The following AKR1C8 variants were observed in gnomAD, a reference collection of about 807,000 sequenced individuals.
AKR1C8 encodes the protein aldo-keto reductase family 1 member C-like protein 1.
chr10:5,146,030 A>C, the AKR1C8 span, among the ~76,000 whole-genome samples: 1 of 151,860 alleles, frequency 6.6e-6, no homozygotes, highest in Non-Finnish European at 1.5e-5. Context: ...AAAAAATGAT[A>C]AGTTCATGTC....
chr10:5,175,628 C>G, the AKR1C8 span, among the ~76,000 whole-genome samples: 1 of 152,198 alleles, frequency 6.6e-6, no homozygotes, highest in Non-Finnish European at 1.5e-5. Context: ...CACATCCTCT[C>G]CAGCACCTGT....
the AKR1C8 span, among the ~76,000 whole-genome samples, chr10:5,130,539 C>T: frequency 6.6e-6 from 1 of 151,920 alleles, no homozygotes; most frequent in Non-Finnish European, 1.5e-5. Flanking sequence ...AAAGACTCAT[C>T]CAAAAGTCTC....
the AKR1C8 span, among the ~76,000 whole-genome samples, chr10:5,118,248 CAG>C: frequency 6.6e-6 from 1 of 152,102 alleles, no homozygotes. Context: ...GGGGTAGGGA[CAG>C]GGGAAACAGG....
chr10:5,120,796 TA>T, the AKR1C8 span, among the ~76,000 whole-genome samples: 95 of 152,290 alleles, frequency 6.2e-4, no homozygotes, highest in Non-Finnish European at 8.2e-4. Context: ...TTCTCATAAT[TA>T]AAATTTTTTC....
At chr10:5,141,224 G>T in the AKR1C8 span, among the ~76,000 whole-genome samples, 1 of 152,080 alleles carries the variant, frequency 6.6e-6, no homozygotes, top group African/African-American at 2.4e-5. Context: ...TCATATGAAG[G>T]AACTCTTAAT....
chr10:5,167,912 G>A, the AKR1C8 span, among the ~76,000 whole-genome samples: 1 of 151,908 alleles, frequency 6.6e-6, no homozygotes, highest in Non-Finnish European at 1.5e-5. Flanking sequence ...TTCCAAAATT[G>A]TATACAACTC....
the AKR1C8 span, among the ~76,000 whole-genome samples, chr10:5,153,881 C>T: frequency 1.3e-5 from 2 of 152,132 alleles, no homozygotes; most frequent in South Asian, 4.1e-4. Context: ...AAGGAAAATG[C>T]ATCAAATGAT....
the AKR1C8 span, among the ~76,000 whole-genome samples, chr10:5,153,004 G>A: frequency 6.6e-6 from 1 of 152,048 alleles, no homozygotes; most frequent in Admixed American, 6.6e-5. Context: ...GGCAATCAGT[G>A]GCCTTATCAA....
the AKR1C8 span, among the ~76,000 whole-genome samples, chr10:5,122,703 A>T: frequency 6.6e-6 from 1 of 152,300 alleles, no homozygotes; most frequent in Non-Finnish European, 1.5e-5. Flanking sequence ...TTTTATAACG[A>T]CAAGCAAACA....
chr10:5,116,885 G>A, the AKR1C8 span, among the ~76,000 whole-genome samples: 3 of 152,148 alleles, frequency 2.0e-5, no homozygotes, highest in South Asian at 6.2e-4. Context: ...GTTAAATCCT[G>A]GAAAGCGTAG....
the AKR1C8 span, among the ~76,000 whole-genome samples, chr10:5,178,527 G>T: frequency 6.6e-6 from 1 of 151,442 alleles, no homozygotes; most frequent in Non-Finnish European, 1.5e-5. Context: ...TCAATTCCTG[G>T]GTATCCTTTT....
At chr10:5,136,961 G>A in the AKR1C8 span, among the ~76,000 whole-genome samples, 178 of 152,038 alleles carry the variant, frequency 1.2e-3, 1 homozygote, top group African/African-American at 4.2e-3. Context: ...CCAACATAAA[G>A]CAAATACCAC....
the AKR1C8 span, among the ~76,000 whole-genome samples, chr10:5,183,395 C>T: frequency 9.2e-3 from 1,401 of 152,208 alleles, 23 homozygotes; most frequent in African/African-American, 0.032. Context: ...ATTATCAGGA[C>T]GTATCAACAA....
At chr10:5,176,537 G>C in the AKR1C8 span, among the ~76,000 whole-genome samples, 1 of 150,534 alleles carries the variant, frequency 6.6e-6, no homozygotes, top group East Asian at 1.9e-4. Flanking sequence ...AGCTTGATGG[G>C]GATGGCATTG....
the AKR1C8 span, among the ~76,000 whole-genome samples, chr10:5,139,785 G>C: frequency 6.6e-6 from 1 of 152,018 alleles, no homozygotes; most frequent in Non-Finnish European, 1.5e-5. Context: ...GGCAACAAAA[G>C]CCAAAATAGA....
chr10:5,154,738 C>CA, the AKR1C8 span: 1 of 152,310 alleles, frequency 6.6e-6, no homozygotes, highest in African/African-American at 2.4e-5. Context: ...CTCTGGCAAC[C>CA]AAAATTGTAT....
the AKR1C8 span, among the ~76,000 whole-genome samples, chr10:5,138,860 A>G: frequency 7.9e-4 from 121 of 152,268 alleles, no homozygotes; most frequent in Non-Finnish European, 1.1e-3. Context: ...GAAAAGAGGA[A>G]GTCAAATTGT....
chr10:5,150,865 T>G, the AKR1C8 span, among the ~76,000 whole-genome samples: 1 of 152,166 alleles, frequency 6.6e-6, no homozygotes, highest in East Asian at 1.9e-4. Context: ...TAGAATGAGC[T>G]GATCTATCAA....
the AKR1C8 span, among the ~76,000 whole-genome samples, chr10:5,168,094 G>A: frequency 2.0e-5 from 3 of 152,056 alleles, no homozygotes; most frequent in South Asian, 6.2e-4. Context: ...GACAGGCCTA[G>A]ACTCCTGAGA....
Sources: gnomAD v4.1 joint callset for allele counts (sites outside exome capture counted in the v4.1 genomes callset) on GRCh38, gnomAD v4.1.1 for gene constraint, MANE v1.5 for transcripts, NCBI Gene and HGNC (gene_info 2026-07-23, HGNC 2026-07-21) for gene names.